Variants in EP400 observed in about 807,000 individuals in gnomAD.
EP400 encodes E1A-binding protein p400.
Under a neutral mutation model 354.1 loss-of-function variants are expected in EP400, and 105 were observed. The ratio of observed to expected loss-of-function variants is 0.30; its 90% CI spans 0.25 to 0.35. EP400 has a LOEUF of 0.35. Among genes scored for constraint, EP400 ranks in the 10% least tolerant of loss-of-function variants. The pLI is 1.00. For synonymous variants in EP400, 1,646 were observed against 1,716.9 expected (o/e 0.96, Z 1.02); for missense variants, 3,280 against 4,121.0 (o/e 0.80, Z 5.59).
At position 132,029,544 on chromosome 12, in the gene EP400, C is replaced by G; in HGVS notation, c.5382-157C>G. On this transcript the variant is annotated intron_variant, in intron 27 of 52. Coordinates refer to ENST00000389561, the MANE Select transcript of EP400 (RefSeq NM_015409.5). The surrounding 1 kb of genome is among the most constrained non-coding windows in gnomAD (Gnocchi z 4.7). ...AGGATCTGCCTCGTTGGGCCCCTGC[C>G]CGTGTGCCAACACCCACATCCCCAT... 1.3e-6 allele frequency: 1 copy of G among 767,582 alleles called. No homozygotes were observed. The highest frequency in any genetic ancestry group is 2.1e-6 in the Non-Finnish European group (1 of 477,966). The allele number at this position is 767,582 out of a possible 1,614,324, so 47.5% of individuals were successfully genotyped here.
chr12:132,028,118 G>A lies in EP400; in HGVS notation c.5211G>A (p.Arg1737=). Residue 1737 remains arginine (R), a synonymous_variant, in exon 27 of 53, where the codon AGG becomes AGA. Transcript: ENST00000389561. ...QAPVYGRDLL[R]ICALPSHGRV... is the part of the protein sequence containing the mutation. Reference sequence around the variant, plus strand: ...CAGTCTATGGCAGAGACTTGCTAAGGATTTGTGCCCTGCCTAGCCATGGAA... The same window carrying A: ...CAGTCTATGGCAGAGACTTGCTAAGAATTTGTGCCCTGCCTAGCCATGGAA... The A allele has an allele frequency of 6.2e-7, 1 of 1,614,224 alleles. No individual in the cohort carries two copies. Among genetic ancestry groups the A allele is most frequent in the Middle Eastern group, 1.6e-4 (1 of 6,062 alleles).
intron 16 of EP400, among the ~76,000 whole-genome samples, chr12:132,012,656 A>T (rs1446378747): frequency 1.3e-5 from 2 of 152,168 alleles, no homozygotes; most frequent in African/African-American, 4.8e-5. Flanking sequence ...AGATGTTGAC[A>T]TCTCTTATTT....
chr12:132,079,978 T>G lies in EP400; in HGVS notation c.*2305T>G, dbSNP rs1896334512. 6.6e-6 allele frequency: 1 copy of G among 152,226 alleles called. No individual in the cohort carries two copies. Among genetic ancestry groups the G allele is most frequent in the Non-Finnish European group, 1.5e-5 (1 of 68,040 alleles). 9.4% of individuals were successfully genotyped at this position (152,226 alleles called of 1,614,324 possible). On this transcript the variant is annotated 3_prime_UTR_variant, in exon 53 of 53. Transcript: ENST00000389561. Reference sequence around the variant, plus strand: ...TTCTAACCTAAGAATTAAGTACGCGTTCAGGAAGCTGTTGTCTAGGCCTTC... The same window carrying G: ...TTCTAACCTAAGAATTAAGTACGCGGTCAGGAAGCTGTTGTCTAGGCCTTC...
chr12:132,045,836 A>G lies in EP400; in HGVS notation c.7136A>G (p.Tyr2379Cys), dbSNP rs2136579553. ...SDVVNSCSRI[Y>C]RSSKQCRNRY... ...GTTGTTAACTCCTGTAGCCGAATCT[A>G]CCGCTCTTCCAAACAGTGCCGGAAT... Residue 2379 changes from tyrosine to cysteine, a missense_variant, in exon 39 of 53, where the codon TAC (tyrosine) becomes TGC (cysteine). This residue lies in a region of EP400 where 84 missense variants were observed against 133.0 expected (regional missense o/e 0.63). Coordinates refer to ENST00000389561, the MANE Select transcript of EP400 (RefSeq NM_015409.5). 6.2e-7 allele frequency: 1 copy of G among 1,614,188 alleles called. No homozygotes were observed.
chr12:131,959,857 C>T (rs1043985024), intron 1 of EP400, among the ~76,000 whole-genome samples: 2 of 152,196 alleles, frequency 1.3e-5, no homozygotes, highest in Admixed American at 6.5e-5. Flanking sequence ...CTGTCTTACC[C>T]GTGTCTGTCT....
chr12:132,023,823 ACAGAGCCGCGTGG>A lies in EP400; in HGVS notation c.4739_4751del (p.Gln1580LeufsTer7). On this transcript the variant is annotated frameshift_variant, in exon 24 of 53. Transcript: ENST00000389561. LOFTEE classifies it high-confidence loss of function. ...CTCAGCTGGCATCCATCACAGGACC[ACAGAGCCGCGTGG>A]CTCAGCCAGAGACGCCGGTGACACT... The A allele has an allele frequency of 6.2e-7, 1 of 1,614,000 alleles. No individual in the cohort carries two copies. The highest frequency in any genetic ancestry group is 8.5e-7 in the Non-Finnish European group (1 of 1,179,982).
chr12:132,010,428 C>G (rs1893728139), intron 15 of EP400, among the ~76,000 whole-genome samples: 1 of 151,922 alleles, frequency 6.6e-6, no homozygotes, highest in Non-Finnish European at 1.5e-5. Context: ...ATATTTTTTT[C>G]TTTGTGACAT....
At chr12:131,965,307 A>G (rs2136470683) in intron 2 of EP400, among the ~76,000 whole-genome samples, 1 of 152,260 alleles carries the variant, frequency 6.6e-6, no homozygotes, top group African/African-American at 2.4e-5. Context: ...AGACTATGTA[A>G]ATATCCTGAA....
chr12:131,951,050 C>CA, intron 1 of EP400, among the ~76,000 whole-genome samples: 1 of 151,496 alleles, frequency 6.6e-6, no homozygotes, highest in Non-Finnish European at 1.5e-5. Context: ...CAGGCGCCTG[C>CA]CACCACGCCT....
chr12:131,981,508 C>T lies in EP400; in HGVS notation c.1455C>T (p.Arg485=), dbSNP rs61748000. Residue 485 remains arginine, a synonymous_variant, in exon 4 of 53, where the codon CGC becomes CGT. Coordinates refer to ENST00000389561, the MANE Select transcript of EP400 (RefSeq NM_015409.5). ...TGMAEQSKRP[R]LEVGHQGVVF... ...TTCTAGAGCAGTCTAAGAGGCCTCG[C>T]CTTGAAGTGGGTCACCAAGGGGTAG... The T allele has an allele frequency of 4.0e-4, 641 of 1,585,312 alleles. 6 individuals are homozygous for T. In the African/African-American group the frequency reaches 7.8e-3, roughly 19 times the overall value.
chr12:132,047,796 T>G (rs1185284261), intron 39 of EP400, among the ~76,000 whole-genome samples: 2 of 152,240 alleles, frequency 1.3e-5, no homozygotes, highest in Non-Finnish European at 2.9e-5. Context: ...CTCATCCTGA[T>G]AAGCCTGGGA....
At chr12:131,977,723 C>A (rs1264390714) in intron 2 of EP400, among the ~76,000 whole-genome samples, 4 of 152,102 alleles carry the variant, frequency 2.6e-5, no homozygotes, top group African/African-American at 9.7e-5. Flanking sequence ...CTTTCATCTT[C>A]TTTCCTTTTC....
intron 30 of EP400, among the ~76,000 whole-genome samples, chr12:132,034,319 G>A (rs774341192): frequency 1.3e-5 from 2 of 152,240 alleles, no homozygotes; most frequent in Non-Finnish European, 2.9e-5. Context: ...CTTGAAGGAT[G>A]CAGGATGGGC....
At position 131,999,420 on chromosome 12, in the gene EP400, T is replaced by C. The variant is rs184463498; in HGVS notation, c.2827+4464T>C. Among the ~76,000 whole-genome samples the C allele has an allele frequency of 8.5e-5, 13 of 152,276 alleles. No individual in the cohort carries two copies. The East Asian group carries it at 2.3e-3, about 27-fold the overall frequency. The stretch of plus-strand genomic sequence containing the variant: ...AAGTTTGTATCTATTCTTCAGTGTT[T>C]ATGTTGTAGGTGGGTATTGCATGCT... On this transcript the variant is annotated intron_variant, in intron 12 of 52. Coordinates refer to ENST00000389561, the MANE Select transcript of EP400 (RefSeq NM_015409.5).
At position 132,044,658 on chromosome 12, in the gene EP400, G is replaced by A. The variant is rs184328615; in HGVS notation, c.6586-13G>A. ...GACTTGGTGGAAGTCAGAGCTTGCCGTGTTCCCTACAGGAGTATGTCTACG... is the reference window on the plus strand; with the variant it reads ...GACTTGGTGGAAGTCAGAGCTTGCCATGTTCCCTACAGGAGTATGTCTACG... On this transcript the variant is annotated splice_polypyrimidine_tract_variant and intron_variant, in intron 35 of 52. Transcript: ENST00000389561. 32 of 1,614,164 alleles carry A rather than the reference G, an allele frequency of 2.0e-5. No individual in the cohort carries two copies. Among genetic ancestry groups the A allele is most frequent in the Admixed American group, 1.7e-4 (10 of 60,024 alleles).
chr12:132,020,090 G>T lies in EP400; in HGVS notation c.4319G>T (p.Arg1440Leu). 1 of 1,597,812 alleles carries T rather than the reference G, an allele frequency of 6.3e-7. No individual in the cohort carries two copies. Among genetic ancestry groups the T allele is most frequent in the South Asian group, 1.1e-5 (1 of 88,598 alleles). The change falls in exon 22 of 53, where the codon CGC (arginine) becomes CTC (leucine). Residue 1440 changes from arginine to leucine, a missense_variant. Around this residue, in one of 20 missense-constraint regions of EP400, gnomAD observed 342 missense variants for 342.7 expected, o/e 1.00. Coordinates refer to ENST00000389561, the MANE Select transcript of EP400 (RefSeq NM_015409.5). ...PVQYGQKPEG[R>L]TVAFPSTHPP... Reference sequence around the variant, plus strand: ...CAGTATGGCCAGAAGCCCGAGGGTCGCACCGTGGCTTTCCCCAGCACTCAC... The same window carrying T: ...CAGTATGGCCAGAAGCCCGAGGGTCTCACCGTGGCTTTCCCCAGCACTCAC...
At chr12:132,020,790 T>C (rs1307784584) in intron 22 of EP400, among the ~76,000 whole-genome samples, 1 of 152,276 alleles carries the variant, frequency 6.6e-6, no homozygotes, top group East Asian at 1.9e-4. Context: ...AAATAGTTTC[T>C]AATTGATACT....
chr12:132,057,862 T>C (rs1219080270), intron 45 of EP400, among the ~76,000 whole-genome samples: 1 of 152,214 alleles, frequency 6.6e-6, no homozygotes, highest in African/African-American at 2.4e-5. Context: ...CTGTTCTTTG[T>C]GGTATTTTAA....
chr12:132,008,214 C>T (rs1370406164), intron 15 of EP400, among the ~76,000 whole-genome samples: 6 of 152,184 alleles, frequency 3.9e-5, no homozygotes, highest in African/African-American at 1.4e-4. Flanking sequence ...TTCCAAAATG[C>T]TGGGATTACA....
Sources: allele counts gnomAD v4.1 joint callset (sites outside exome capture counted in the v4.1 genomes callset), GRCh38; gene constraint gnomAD v4.1.1; regional missense constraint gnomAD v4.1.1; non-coding constraint Gnocchi (gnomAD v3.1); transcripts MANE v1.5; gene names NCBI Gene and HGNC (gene_info 2026-07-23, HGNC 2026-07-21).